The following TNR variants were observed in gnomAD, a reference collection of about 807,000 sequenced individuals.
The protein encoded by TNR is tenascin-R.
Under a neutral mutation model 150.4 loss-of-function variants are expected in TNR, and 45 were observed. That is an observed-to-expected ratio of 0.30 (90% CI 0.24 to 0.38). The LOEUF (loss-of-function observed/expected upper bound fraction) is 0.38. Ranked by LOEUF, TNR falls within the 10% of genes least tolerant of loss-of-function variation. The pLI is 1.00. For synonymous variants in TNR, 687 were observed against 678.4 expected, an observed-to-expected ratio of 1.01 and a Z score of -0.20; for missense variants, 1,544 against 1,759.1, an observed-to-expected ratio of 0.88 and a Z score of 2.19.
intron 1 of TNR, among the ~76,000 whole-genome samples, chr1:175,730,462 G>T (rs893470011): frequency 1.3e-5 from 2 of 152,146 alleles, no homozygotes; most frequent in African/African-American, 4.8e-5. Context: ...CAAAGACAGG[G>T]AACCATCTGT....
intron 2 of TNR, among the ~76,000 whole-genome samples, chr1:175,495,045 GCATT>G (rs377016114): frequency 6.6e-6 from 1 of 152,102 alleles, no homozygotes; most frequent in African/African-American, 2.4e-5. Context: ...AGGCACGGCT[GCATT>G]CATTCATTCA....
chr1:175,725,448 T>G (rs1008898355), intron 1 of TNR, among the ~76,000 whole-genome samples: 12 of 152,204 alleles, frequency 7.9e-5, no homozygotes, highest in African/African-American at 2.9e-4. Flanking sequence ...CAGATACGAC[T>G]TCCACCACTT....
intron 1 of TNR, among the ~76,000 whole-genome samples, chr1:175,669,321 C>T (rs188387406): frequency 2.6e-4 from 39 of 152,300 alleles, no homozygotes; most frequent in Admixed American, 1.3e-4. Context: ...CAGGGCCAGG[C>T]GCTCAACATG....
chr1:175,393,297 G>A (rs1653263549), intron 6 of TNR, among the ~76,000 whole-genome samples: 1 of 152,188 alleles, frequency 6.6e-6, no homozygotes, highest in Non-Finnish European at 1.5e-5. Flanking sequence ...GAGAGCCAAG[G>A]TGTTTTGTTT....
At chr1:175,352,343 T>A (rs1219697151) in intron 18 of TNR, among the ~76,000 whole-genome samples, 4 of 152,248 alleles carry the variant, frequency 2.6e-5, no homozygotes, top group Non-Finnish European at 1.5e-5. Context: ...ATTTTGGGGA[T>A]AAAATGATTA....
chr1:175,694,630 C>T (rs1295227544), intron 1 of TNR, among the ~76,000 whole-genome samples: 1 of 152,138 alleles, frequency 6.6e-6, no homozygotes, highest in Non-Finnish European at 1.5e-5. Flanking sequence ...TAAAATCCTA[C>T]CCCGCCCAGT....
chr1:175,324,413 A>G lies in TNR; in HGVS notation c.3900T>C (p.Tyr1300=). 1 of 1,614,110 alleles carries G rather than the reference A, an allele frequency of 6.2e-7. No homozygotes were observed. Among genetic ancestry groups the G allele is most frequent in the Admixed American group, 1.7e-5 (1 of 60,014 alleles). The change falls in exon 22 of 23, where the codon TAT becomes TAC. Residue 1300 remains tyrosine, a synonymous_variant. Coordinates refer to ENST00000367674, the MANE Select transcript of TNR (RefSeq NM_003285.3). ...TGAGGTTGGTCCGGTGGCAGTTCTTATACCACCATGCTCCCTTGTACGACA... is the reference window on the plus strand; with the variant it reads ...TGAGGTTGGTCCGGTGGCAGTTCTTGTACCACCATGCTCCCTTGTACGACA... ...CAMSYKGAWW[Y]KNCHRTNLNG...
intron 1 of TNR, among the ~76,000 whole-genome samples, chr1:175,611,794 C>T (rs191566594): frequency 6.6e-6 from 1 of 152,136 alleles, no homozygotes; most frequent in Admixed American, 6.5e-5. Context: ...ATAGTCTCTA[C>T]CATCAAGAAG....
intron 1 of TNR, among the ~76,000 whole-genome samples, chr1:175,619,482 A>T (rs1385877793): frequency 6.6e-6 from 1 of 152,228 alleles, no homozygotes; most frequent in African/African-American, 2.4e-5. Context: ...TGTATTGAGT[A>T]GAACAAAGCT....
intron 15 of TNR, among the ~76,000 whole-genome samples, chr1:175,358,289 G>A (rs1183351520): frequency 1.3e-5 from 2 of 152,180 alleles, no homozygotes; most frequent in Non-Finnish European, 2.9e-5. Flanking sequence ...GACCTTTCAT[G>A]TATTTTTCCA....
At chr1:175,331,143 C>CTCTCTGTCT (rs869148221) in intron 20 of TNR, among the ~76,000 whole-genome samples, 1 of 128,988 alleles carries the variant, frequency 7.8e-6, no homozygotes, top group East Asian at 2.3e-4. Context: ...TTCTTTCTTT[C>CTCTCTGTCT]TTCCTTTCTT....
intron 2 of TNR, among the ~76,000 whole-genome samples, chr1:175,442,864 A>G (rs1655859457): frequency 6.6e-6 from 1 of 151,768 alleles, no homozygotes; most frequent in African/African-American, 2.4e-5. Flanking sequence ...AAGACAGTTG[A>G]TATATTTCCA....
rs1253543298 is a variant in TNR, at chr1:175,321,872, C to CA, written c.*1484dup. 1 of 150,480 alleles carries CA rather than the reference C, an allele frequency of 6.6e-6. No homozygotes were observed. The highest frequency in any genetic ancestry group is 1.5e-5 in the Non-Finnish European group (1 of 67,634). The allele number at this position is 150,480 out of a possible 1,614,324, so 9.3% of individuals were successfully genotyped here. On this transcript the variant is annotated 3_prime_UTR_variant, in exon 23 of 23. Coordinates refer to ENST00000367674, the MANE Select transcript of TNR (RefSeq NM_003285.3). ...AGGTCATTCCTGTTTCCCATAGGAC[C>CA]AAAAAAGAAAAAAAAAATCAACCTC...
At chr1:175,634,176 G>C (rs1020143104) in intron 1 of TNR, among the ~76,000 whole-genome samples, 1 of 152,160 alleles carries the variant, frequency 6.6e-6, no homozygotes, top group African/African-American at 2.4e-5. Context: ...CAGTGGCAGG[G>C]AGGAAGATGG....
At chr1:175,583,535 G>A (rs1571638225) in intron 1 of TNR, among the ~76,000 whole-genome samples, 1 of 152,208 alleles carries the variant, frequency 6.6e-6, no homozygotes, top group Non-Finnish European at 1.5e-5. Flanking sequence ...TGACTAACAG[G>A]GGGCTAGCAG....
intron 2 of TNR, among the ~76,000 whole-genome samples, chr1:175,522,785 A>T (rs1019972471): frequency 6.6e-6 from 1 of 152,220 alleles, no homozygotes; most frequent in African/African-American, 2.4e-5. Flanking sequence ...TCATTCACAA[A>T]ATTGTAAGTT....
intron 4 of TNR, among the ~76,000 whole-genome samples, chr1:175,398,547 C>A (rs1343658280): frequency 6.6e-6 from 1 of 152,116 alleles, no homozygotes; most frequent in African/African-American, 2.4e-5. Flanking sequence ...ATATTTAGAA[C>A]CTGTCAGGAT....
At chr1:175,576,975 C>T (rs896575113) in intron 1 of TNR, among the ~76,000 whole-genome samples, 9 of 152,188 alleles carry the variant, frequency 5.9e-5, no homozygotes, top group Non-Finnish European at 5.9e-5. Context: ...TATAAAGACC[C>T]TGGTAATTAG....
chr1:175,378,160 C>A (rs544983527), intron 9 of TNR, among the ~76,000 whole-genome samples: 9 of 152,168 alleles, frequency 5.9e-5, no homozygotes, highest in Non-Finnish European at 1.3e-4. Context: ...ATTACATCAC[C>A]TTATTTAAAA....
Sources: gnomAD v4.1 joint callset for allele counts (sites outside exome capture counted in the v4.1 genomes callset) on GRCh38, gnomAD v4.1.1 for gene constraint, MANE v1.5 for transcripts, NCBI Gene and HGNC (gene_info 2026-07-23, HGNC 2026-07-21) for gene names.